Variants in GRID2 observed in about 807,000 individuals in gnomAD.
GRID2 encodes the protein glutamate receptor ionotropic, delta-2.
GRID2 carries 33 observed loss-of-function variants against 114.8 expected under a neutral mutation model. The ratio of observed to expected loss-of-function variants is 0.29; its 90% confidence interval spans 0.22 to 0.38. GRID2 has a LOEUF of 0.38. GRID2 is among the 10% of genes least tolerant of loss of function. The pLI is 1.00. For missense variants in GRID2, 1,184 were observed against 1,257.7 expected, an observed-to-expected ratio of 0.94 and a Z score of 0.89; for synonymous variants, 505 against 449.9, an observed-to-expected ratio of 1.12 and a Z score of -1.55.
intron 2 of GRID2, among the ~76,000 whole-genome samples, chr4:93,075,932 C>G (rs1470907000): frequency 9.9e-6 from 1 of 101,062 alleles, no homozygotes; most frequent in Non-Finnish European, 1.8e-5. Flanking sequence ...GAGATGGAGT[C>G]TCGCTCTGTC....
chr4:93,689,462 A>G (rs1726354704), intron 14 of GRID2, among the ~76,000 whole-genome samples: 1 of 152,060 alleles, frequency 6.6e-6, no homozygotes, highest in Non-Finnish European at 1.5e-5. Flanking sequence ...AATCATTAAC[A>G]AATAAATTTG....
intron 3 of GRID2, among the ~76,000 whole-genome samples, chr4:93,087,017 G>GATTTATTT (rs140238204): frequency 0.35 from 51,104 of 147,444 alleles, 9,409 homozygotes; most frequent in Admixed American, 0.48. Flanking sequence ...CTATGAAAGT[G>GATTTATTT]ATTTATTTAT....
chr4:93,799,437 C>A (rs1240485527), intron 1 of GRID2, among the ~76,000 whole-genome samples: 2 of 151,314 alleles, frequency 1.3e-5, no homozygotes, highest in East Asian at 3.9e-4. Context: ...AACTGCAGCC[C>A]CTTTTTTTTT....
intron 2 of GRID2, among the ~76,000 whole-genome samples, chr4:92,678,655 A>G (rs968836243): frequency 2.0e-5 from 3 of 152,010 alleles, no homozygotes; most frequent in African/African-American, 7.2e-5. Flanking sequence ...CTTAAAAAAA[A>G]AAACCTTAGA....
chr4:92,565,069 A>G (rs899931967), intron 1 of GRID2, among the ~76,000 whole-genome samples: 9 of 151,998 alleles, frequency 5.9e-5, no homozygotes, highest in Non-Finnish European at 1.3e-4. Flanking sequence ...CAAGGCATAC[A>G]GTTTTGGCAA....
intron 4 of GRID2, among the ~76,000 whole-genome samples, chr4:93,179,643 T>A (rs1186348042): frequency 2.6e-5 from 4 of 152,208 alleles, no homozygotes; most frequent in Non-Finnish European, 5.9e-5. Flanking sequence ...CATATTAACT[T>A]GTTTAATCAT....
chr4:92,696,967 A>G (rs932002882), intron 2 of GRID2, among the ~76,000 whole-genome samples: 5 of 152,192 alleles, frequency 3.3e-5, no homozygotes, highest in Non-Finnish European at 5.9e-5. Flanking sequence ...AGCACATGGA[A>G]TATTCATTTT....
intron 12 of GRID2, among the ~76,000 whole-genome samples, chr4:93,506,744 GAA>G (rs1728668640): frequency 6.6e-6 from 1 of 152,130 alleles, no homozygotes; most frequent in African/African-American, 2.4e-5. Context: ...GGCTTCATTT[GAA>G]AAGTTCTCTC....
chr4:92,394,829 ATAAGT>A (rs1730417231), intron 1 of GRID2, among the ~76,000 whole-genome samples: 2 of 151,412 alleles, frequency 1.3e-5, no homozygotes. Context: ...TTTTTCCTAC[ATAAGT>A]TATTTTTAAC....
intron 2 of GRID2, among the ~76,000 whole-genome samples, chr4:92,680,459 CA>C (rs1433792884): frequency 6.6e-6 from 1 of 151,872 alleles, no homozygotes; most frequent in African/African-American, 2.4e-5. Flanking sequence ...TATTTAAACA[CA>C]AAGTAGAAAA....
chr4:93,376,261 A>C (rs1239555832), intron 8 of GRID2, among the ~76,000 whole-genome samples: 1 of 152,192 alleles, frequency 6.6e-6, no homozygotes, highest in East Asian at 1.9e-4. Context: ...TCGTATGACT[A>C]CAAAAAAAGG....
At chr4:92,909,733 C>A (rs12506428) in intron 2 of GRID2, among the ~76,000 whole-genome samples, 1 of 151,874 alleles carries the variant, frequency 6.6e-6, no homozygotes, top group African/African-American at 2.4e-5. Flanking sequence ...CTAATGCCTT[C>A]TGTTATTTTA....
At chr4:93,301,673 T>G (rs528814054) in intron 8 of GRID2, among the ~76,000 whole-genome samples, 1 of 152,304 alleles carries the variant, frequency 6.6e-6, no homozygotes, top group East Asian at 1.9e-4. Flanking sequence ...GTTATTTTTA[T>G]GCTTAGTTAC....
chr4:93,626,319 T>C lies in GRID2; in HGVS notation c.2244T>C (p.Tyr748=). The change falls in exon 14 of 16, where the codon TAT becomes TAC. Residue 748 remains tyrosine (Y), a synonymous_variant. Transcript: ENST00000282020. The stretch of plus-strand genomic sequence containing the variant: ...TATGGGATGCAGCTGTATTGGAATA[T>C]GTGGCTATCAATGACCCAGATTGTT... The part of the protein sequence containing the change: ...AFVWDAAVLE[Y]VAINDPDCSF... 3 of 1,603,232 alleles carry C rather than the reference T, an allele frequency of 1.9e-6. No homozygotes were observed. Among genetic ancestry groups the C allele is most frequent in the South Asian group, 1.1e-5 (1 of 90,818 alleles).
chr4:93,184,943 T>C (rs1278950842), intron 4 of GRID2, among the ~76,000 whole-genome samples: 1 of 152,168 alleles, frequency 6.6e-6, no homozygotes, highest in Non-Finnish European at 1.5e-5. Context: ...TTGTAGTTAC[T>C]ATAATGTGCC....
At chr4:92,940,780 G>T (rs1418277823) in intron 2 of GRID2, among the ~76,000 whole-genome samples, 1 of 152,044 alleles carries the variant, frequency 6.6e-6, no homozygotes, top group Non-Finnish European at 1.5e-5. Context: ...AGCATGAAGG[G>T]TTGTTGAATT....
At chr4:93,245,406 G>C (rs1748089824) in intron 8 of GRID2, among the ~76,000 whole-genome samples, 1 of 152,010 alleles carries the variant, frequency 6.6e-6, no homozygotes, top group Admixed American at 6.6e-5. Flanking sequence ...ATCAGAGTTG[G>C]GCACTTGATC....
At chr4:92,712,127 G>GTA (rs1735284711) in intron 2 of GRID2, among the ~76,000 whole-genome samples, 1 of 139,272 alleles carries the variant, frequency 7.2e-6, no homozygotes, top group African/African-American at 2.7e-5. Context: ...AATTCATAAA[G>GTA]TATATAAGAG....
intron 2 of GRID2, among the ~76,000 whole-genome samples, chr4:92,595,491 C>A (rs1728908492): frequency 6.6e-6 from 1 of 151,908 alleles, no homozygotes; most frequent in Non-Finnish European, 1.5e-5. Context: ...AAGTTTCAGT[C>A]TGGTAGACCT....
Sources: gnomAD v4.1 joint callset for allele counts (sites outside exome capture counted in the v4.1 genomes callset) on GRCh38, gnomAD v4.1.1 for gene constraint, MANE v1.5 for transcripts, NCBI Gene and HGNC (gene_info 2026-07-23, HGNC 2026-07-21) for gene names.